The following CEP72 variants were observed in gnomAD, a reference collection of about 807,000 sequenced individuals.
The protein encoded by CEP72 is centrosomal protein 72.
In CEP72, 78 loss-of-function variants were observed where a neutral mutation model predicts 65.7. That is an observed-to-expected ratio of 1.19 (90% CI 0.99 to 1.43). The LOEUF is 1.43. CEP72 is among the 40% of genes most tolerant of loss of function. The pLI is 0.00. For missense variants in CEP72, 914 were observed against 832.9 expected, an observed-to-expected ratio of 1.10 and a Z score of -1.20; for synonymous variants, 358 against 351.7, an observed-to-expected ratio of 1.02 and a Z score of -0.20.
Position 644,342 on chromosome 5 carries a change from G to C in CEP72, c.1583G>C (p.Ser528Thr). The C allele has an allele frequency of 6.2e-7, 1 of 1,613,896 alleles. No homozygotes were observed. The highest frequency in any genetic ancestry group is 1.1e-5 in the South Asian group (1 of 91,084). The change falls in exon 10 of 12, where the codon AGT (serine) becomes ACT (threonine). Residue 528 changes from serine to threonine, a missense_variant. Transcript: ENST00000264935. ...QHLDKSLEEN[S>T]RLKSLLLSMK... ...TTAGATAAATCTTTGGAAGAGAACA[G>C]TAGGTTAAAATCGCTTTTGTTGAGT...
chr5:649,139 G>C (rs1738706306), intron 11 of CEP72, among the ~76,000 whole-genome samples: 1 of 147,012 alleles, frequency 6.8e-6, no homozygotes. Flanking sequence ...GCGTGACTGT[G>C]AGGCGTGACT....
intron 9 of CEP72, chr5:641,493 G>A: frequency 1.0e-6 from 1 of 985,420 alleles, no homozygotes. Flanking sequence ...CAACATCTCA[G>A]AGATCCCACA....
intron 1 of CEP72, among the ~76,000 whole-genome samples, chr5:615,518 T>A (rs1735939919): frequency 6.6e-6 from 1 of 152,244 alleles, no homozygotes; most frequent in Non-Finnish European, 1.5e-5. Context: ...TTCTTTTGAT[T>A]GGTTTTTGCA....
chr5:673,285 TA>T, the CEP72 span, among the ~76,000 whole-genome samples: 1 of 152,184 alleles, frequency 6.6e-6, no homozygotes, highest in Admixed American at 6.5e-5. Context: ...TGTGAGTTTT[TA>T]GGCCCCTTGC....
intron 2 of CEP72, 103 bp downstream of exon 2, chr5:619,220 T>C: frequency 3.1e-6 from 3 of 963,898 alleles, no homozygotes; most frequent in Non-Finnish European, 4.8e-6. Context: ...TGCTTACATC[T>C]GTATACGGTA....
At chr5:651,489 C>A (rs984705343) in intron 11 of CEP72, among the ~76,000 whole-genome samples, 1 of 151,940 alleles carries the variant, frequency 6.6e-6, no homozygotes, top group Non-Finnish European at 1.5e-5. Context: ...CAACCTGGTT[C>A]CCCTGGGCGG....
chr5:654,987 T>A (rs551732405), downstream of CEP72, among the ~76,000 whole-genome samples: 30 of 152,344 alleles, frequency 2.0e-4, no homozygotes, highest in African/African-American at 7.0e-4. Context: ...CTTACTAATC[T>A]TTTCTTCCAC....
intron 10 of CEP72, 104 bp from the exon 11 acceptor site, chr5:647,701 T>G (rs1697976): frequency 2.6e-6 from 2 of 761,036 alleles, no homozygotes; most frequent in African/African-American, 3.5e-5. Flanking sequence ...ATATTCTTTT[T>G]CTGGTAACCA....
intron 9 of CEP72, chr5:641,416 C>T: frequency 7.1e-6 from 7 of 985,456 alleles, no homozygotes; most frequent in Non-Finnish European, 8.4e-6. Context: ...TGAAGTCGGC[C>T]CGGGACGGCT....
chr5:653,123 C>G lies in CEP72; in HGVS notation c.1914C>G (p.Ser638Arg). The part of the protein sequence containing the change: ...KKTMALFPHS[S>R]ASHGGCQAC ...CCATGGCCCTGTTTCCACACAGCAG[C>G]GCCAGCCATGGAGGCTGCCAGGCCT... Residue 638 changes from serine to arginine, a missense_variant, in exon 12 of 12, where the codon AGC (serine) becomes AGG (arginine). Physicochemically the swap from Ser to Arg is moderately radical, Grantham distance 110. Coordinates refer to ENST00000264935, the MANE Select transcript of CEP72 (RefSeq NM_018140.4). The G allele has an allele frequency of 6.2e-7, 1 of 1,611,306 alleles. No homozygotes were observed. The highest frequency in any genetic ancestry group is 8.5e-7 in the Non-Finnish European group (1 of 1,179,494).
At chr5:674,025 C>T in the CEP72 span, among the ~76,000 whole-genome samples, 2 of 152,248 alleles carry the variant, frequency 1.3e-5, no homozygotes, top group South Asian at 2.1e-4. Flanking sequence ...TCACAGCCGG[C>T]ACTGCACTTG....
chr5:633,674 C>T, intron 4 of CEP72, 95 bp from the exon 5 acceptor site: 2 of 1,230,978 alleles, frequency 1.6e-6, no homozygotes, highest in Admixed American at 1.9e-5. Context: ...CTGCTTCTCT[C>T]AGAGACCGTG....
At position 636,725 on chromosome 5, in the gene CEP72, G is replaced by A. The variant is rs145841922; in HGVS notation, c.905-792G>A. Among the ~76,000 whole-genome samples, 6 of 150,284 alleles carry A rather than the reference G, an allele frequency of 4.0e-5. No individual in the cohort carries two copies. The East Asian group carries it at 5.9e-4, about 15-fold the overall frequency. On this transcript the variant is annotated intron_variant, in intron 6 of 11. Coordinates refer to ENST00000264935, the MANE Select transcript of CEP72 (RefSeq NM_018140.4). ...CTCAGGAGGCTGAGGCATGAGAATC[G>A]CTTGAACCTGGGAGGTGGAGGTTGC...
chr5:614,847 A>C (rs1479236577), intron 1 of CEP72, among the ~76,000 whole-genome samples: 1 of 151,994 alleles, frequency 6.6e-6, no homozygotes, highest in Non-Finnish European at 1.5e-5. Flanking sequence ...GGTGCACTTG[A>C]GTGTGTGTGT....
At chr5:634,818 T>C (rs1376450158) in intron 5 of CEP72, among the ~76,000 whole-genome samples, 2 of 152,248 alleles carry the variant, frequency 1.3e-5, no homozygotes, top group Admixed American at 6.5e-5. Flanking sequence ...GCCTTTTCAT[T>C]ATCTGAACAG....
At position 624,814 on chromosome 5, in the gene CEP72, T is replaced by A. The variant is rs576620183; in HGVS notation, c.512+235T>A. ...ATCGAAACTGTTGATTAAGGTAATA[T>A]GTGTAAAATCAACTCAGCAAAGGGC... On this transcript the variant is annotated intron_variant, in intron 4 of 11. Coordinates refer to ENST00000264935, the MANE Select transcript of CEP72 (RefSeq NM_018140.4). The surrounding 1 kb of genome is among the most constrained non-coding windows in gnomAD (Gnocchi z 4.7). Among the ~76,000 whole-genome samples, 1 of 152,194 alleles carries A rather than the reference T, an allele frequency of 6.6e-6. No homozygotes were observed. Among genetic ancestry groups the A allele is most frequent in the Non-Finnish European group, 1.5e-5 (1 of 68,026 alleles).
intron 10 of CEP72, among the ~76,000 whole-genome samples, chr5:644,640 G>A (rs1175438210): frequency 6.6e-6 from 1 of 152,210 alleles, no homozygotes; most frequent in Non-Finnish European, 1.5e-5. Context: ...TGGCATGGAT[G>A]TAGGAGGCAA....
intron 9 of CEP72, chr5:641,402 C>A (rs139290583): frequency 1.5e-5 from 15 of 985,452 alleles, no homozygotes; most frequent in Middle Eastern, 5.2e-4. Flanking sequence ...CTTTAAATTG[C>A]GAGTGAAGTC....
intron 1 of CEP72, among the ~76,000 whole-genome samples, chr5:613,772 T>C (rs1579912789): frequency 6.6e-6 from 1 of 152,224 alleles, no homozygotes; most frequent in East Asian, 1.9e-4. Flanking sequence ...GGAAACTGCA[T>C]TCTTTGGTGA....
Sources: gnomAD v4.1 joint callset for allele counts (sites outside exome capture counted in the v4.1 genomes callset) on GRCh38, gnomAD v4.1.1 for gene constraint, Gnocchi (gnomAD v3.1) non-coding constraint, MANE v1.5 for transcripts, NCBI Gene and HGNC (gene_info 2026-07-23, HGNC 2026-07-21) for gene names.